The following CHLSN variants were observed in gnomAD, a reference collection of about 807,000 sequenced individuals.
The protein encoded by CHLSN is cholesin.
At chr7:1,017,004 A>G in the CHLSN span, among the ~76,000 whole-genome samples, 11 of 139,060 alleles carry the variant, frequency 7.9e-5, no homozygotes, top group South Asian at 2.2e-4. Flanking sequence ...GCACAGGAGC[A>G]CACAGCAGCA....
the CHLSN span, among the ~76,000 whole-genome samples, chr7:1,107,262 C>T: frequency 1.3e-5 from 2 of 152,236 alleles, no homozygotes; most frequent in Non-Finnish European, 2.9e-5. Context: ...CTCCACAGCC[C>T]GCCTAGGAAT....
At chr7:1,007,183 C>T in the CHLSN span, among the ~76,000 whole-genome samples, 7 of 152,154 alleles carry the variant, frequency 4.6e-5, no homozygotes, top group Non-Finnish European at 8.8e-5. Flanking sequence ...CAGAACAATC[C>T]GGGGTCTCCT....
the CHLSN span, among the ~76,000 whole-genome samples, chr7:1,050,622 C>A: frequency 7.9e-5 from 12 of 152,222 alleles, no homozygotes; most frequent in Non-Finnish European, 4.4e-5. Context: ...GAAGTAAGGC[C>A]CAGCAGCCTT....
the CHLSN span, among the ~76,000 whole-genome samples, chr7:1,027,660 C>G: frequency 2.6e-5 from 4 of 152,292 alleles, no homozygotes; most frequent in African/African-American, 9.6e-5. Flanking sequence ...TTAGTTGACA[C>G]AGCTTCGCAC....
the CHLSN span, among the ~76,000 whole-genome samples, chr7:1,136,862 A>G: frequency 6.6e-6 from 1 of 152,106 alleles, no homozygotes; most frequent in South Asian, 2.1e-4. Context: ...TGGTCCATCC[A>G]TAAATCCTCT....
chr7:1,052,224 C>T, the CHLSN span, among the ~76,000 whole-genome samples: 1 of 152,264 alleles, frequency 6.6e-6, no homozygotes, highest in Non-Finnish European at 1.5e-5. The surrounding 1 kb of genome is among the most constrained non-coding windows in gnomAD (Gnocchi z 4.2). Context: ...GGTGAGGAGC[C>T]TCTGAGCAGG....
chr7:1,121,927 C>G, the CHLSN span, among the ~76,000 whole-genome samples: 1 of 152,182 alleles, frequency 6.6e-6, no homozygotes, highest in East Asian at 1.9e-4. Context: ...GCGTGCTGCA[C>G]CCACCCACTG....
At chr7:988,419 G>A in the CHLSN span, 2 of 1,612,468 alleles carry the variant, frequency 1.2e-6, no homozygotes, top group Non-Finnish European at 1.7e-6. Flanking sequence ...TTCTCTGCAG[G>A]TCAGCAGCCC....
At chr7:1,024,680 C>G in the CHLSN span, 3 of 152,174 alleles carry the variant, frequency 2.0e-5, no homozygotes, top group Non-Finnish European at 2.9e-5. Flanking sequence ...CCAGTTTCAG[C>G]CCCTCCTTGC....
chr7:985,961 G>A, the CHLSN span, among the ~76,000 whole-genome samples: 26 of 152,236 alleles, frequency 1.7e-4, no homozygotes, highest in African/African-American at 4.8e-4. Flanking sequence ...GCTTCCACCC[G>A]TCCTAGCCAG....
the CHLSN span, among the ~76,000 whole-genome samples, chr7:1,065,866 C>T: frequency 5.6e-4 from 86 of 152,354 alleles, no homozygotes; most frequent in Non-Finnish European, 1.1e-3. Flanking sequence ...TTTAATACTC[C>T]GCGATCCAAA....
At chr7:1,081,697 G>A in the CHLSN span, among the ~76,000 whole-genome samples, 8 of 149,496 alleles carry the variant, frequency 5.4e-5, no homozygotes, top group African/African-American at 1.7e-4. Context: ...CAGACAAGGC[G>A]CAGCCTGGGG....
At chr7:1,110,098 C>A in the CHLSN span, among the ~76,000 whole-genome samples, 1 of 152,082 alleles carries the variant, frequency 6.6e-6, no homozygotes, top group African/African-American at 2.4e-5. Flanking sequence ...CAGAGGCGAG[C>A]GGGTGCCCAC....
chr7:1,043,809 A>G, the CHLSN span: 1 of 152,280 alleles, frequency 6.6e-6, no homozygotes, highest in Non-Finnish European at 1.5e-5. Context: ...AGTGGCCGCT[A>G]TTCTTCCTGC....
chr7:1,028,500 CG>C, the CHLSN span: 1 of 985,428 alleles, frequency 1.0e-6, no homozygotes, highest in Non-Finnish European at 1.2e-6. Context: ...GCTGAGAAGG[CG>C]GGGGTGGACC....
the CHLSN span, chr7:988,438 G>A: frequency 2.8e-5 from 45 of 1,611,634 alleles, no homozygotes; most frequent in East Asian, 8.9e-5. Context: ...CCTCGGGGCC[G>A]GGGTGGGGCG....
At chr7:1,088,256 T>C in the CHLSN span, 1 of 152,316 alleles carries the variant, frequency 6.6e-6, no homozygotes, top group African/African-American at 2.4e-5. This position sits in a 1 kb window ranked among gnomAD's most constrained non-coding sequence, Gnocchi z 4.5. Flanking sequence ...GGGTTCCAAG[T>C]GCACCTCCAG....
At chr7:1,105,281 G>T in the CHLSN span, among the ~76,000 whole-genome samples, 13 of 152,306 alleles carry the variant, frequency 8.5e-5, no homozygotes, top group African/African-American at 3.1e-4. Flanking sequence ...ACGCCAAGAA[G>T]ACAACAGCCC....
At chr7:1,047,845 G>A in the CHLSN span, among the ~76,000 whole-genome samples, 1 of 152,208 alleles carries the variant, frequency 6.6e-6, no homozygotes, top group Non-Finnish European at 1.5e-5. Context: ...TCTACTCAGT[G>A]GGGAAATTGG....
Sources: allele counts gnomAD v4.1 joint callset (sites outside exome capture counted in the v4.1 genomes callset), GRCh38; gene constraint gnomAD v4.1.1; non-coding constraint Gnocchi (gnomAD v3.1); transcripts MANE v1.5; gene names NCBI Gene and HGNC (gene_info 2026-07-23, HGNC 2026-07-21).